Variants in OSBPL10 observed in about 807,000 individuals in gnomAD.
OSBPL10 encodes oxysterol-binding protein-related protein 10.
A neutral mutation model predicts 81.7 loss-of-function variants in OSBPL10; 49 were observed. The observed-to-expected ratio is 0.60, with a 90% CI of 0.48 to 0.76. The LOEUF (loss-of-function observed/expected upper bound fraction) is 0.76. Among genes scored for constraint, OSBPL10 ranks in the 30% least tolerant of loss-of-function variants. The probability of loss-of-function intolerance (pLI) is 0.00; values close to 1 mark genes in which losing one functional copy is unlikely to be tolerated. For synonymous variants in OSBPL10, 419 were observed against 383.6 expected (o/e 1.09, Z -1.08); for missense variants, 923 against 987.8 (o/e 0.93, Z 0.88).
At chr3:31,913,393 C>T (rs576690985) in intron 1 of OSBPL10, among the ~76,000 whole-genome samples, 5 of 151,974 alleles carry the variant, frequency 3.3e-5, no homozygotes, top group Admixed American at 6.6e-5. Flanking sequence ...GGACTACAGG[C>T]GCACAACACC....
intron 3 of OSBPL10, among the ~76,000 whole-genome samples, chr3:31,844,007 G>A (rs186064263): frequency 1.3e-5 from 2 of 152,306 alleles, no homozygotes; most frequent in Non-Finnish European, 2.9e-5. Context: ...ACTAAGATCT[G>A]CTGATGAGCA....
At chr3:31,830,309 G>T in intron 3 of OSBPL10, 78 bp from the exon 4 acceptor site, 1 of 1,406,330 alleles carries the variant, frequency 7.1e-7, no homozygotes, top group Non-Finnish European at 9.7e-7. Flanking sequence ...ATTCATTTTG[G>T]ACCTCTTCAT....
At chr3:31,853,876 C>G (rs1283634402) in intron 3 of OSBPL10, among the ~76,000 whole-genome samples, 1 of 152,148 alleles carries the variant, frequency 6.6e-6, no homozygotes, top group Non-Finnish European at 1.5e-5. Context: ...AAATGCAGCC[C>G]CTTATCAGAT....
At chr3:31,871,618 C>G (rs1701328137) in intron 3 of OSBPL10, among the ~76,000 whole-genome samples, 1 of 152,188 alleles carries the variant, frequency 6.6e-6, no homozygotes, top group South Asian at 2.1e-4. Context: ...TGCCTATAAT[C>G]CCAGCACTTT....
At chr3:31,706,700 T>C (rs1696077199) in intron 6 of OSBPL10, among the ~76,000 whole-genome samples, 1 of 152,186 alleles carries the variant, frequency 6.6e-6, no homozygotes, top group African/African-American at 2.4e-5. Context: ...CTTAAACAAA[T>C]ATCTTAATTC....
intron 4 of OSBPL10, among the ~76,000 whole-genome samples, chr3:31,759,601 G>A (rs1697974603): frequency 6.6e-6 from 1 of 152,088 alleles, no homozygotes; most frequent in Non-Finnish European, 1.5e-5. Flanking sequence ...TAAACAACTT[G>A]AGGGCAGAAG....
intron 7 of OSBPL10, among the ~76,000 whole-genome samples, chr3:31,691,842 C>A (rs1311128520): frequency 1.3e-5 from 2 of 151,978 alleles, no homozygotes; most frequent in Non-Finnish European, 2.9e-5. Context: ...GCCTCCACCA[C>A]CGCAAAGGTT....
chr3:31,666,063 C>T (rs987097435), intron 10 of OSBPL10, among the ~76,000 whole-genome samples: 3 of 152,096 alleles, frequency 2.0e-5, no homozygotes, highest in Admixed American at 6.5e-5. Context: ...AAGGAGTCTC[C>T]AGGGTGGGGA....
At chr3:32,021,584 T>C (rs534177076) in intron 2 of OSBPL10, among the ~76,000 whole-genome samples, 11 of 152,368 alleles carry the variant, frequency 7.2e-5, no homozygotes, top group African/African-American at 2.6e-4. Flanking sequence ...TAGTGATTAA[T>C]GATGTTGAAC....
At chr3:31,764,709 T>C (rs142844566) in intron 4 of OSBPL10, among the ~76,000 whole-genome samples, 152 of 152,310 alleles carry the variant, frequency 1.0e-3, no homozygotes, top group Middle Eastern at 3.4e-3. Flanking sequence ...TTCTCTCCAG[T>C]ACCAATCTCC....
chr3:31,881,175 T>C (rs1321616415), intron 1 of OSBPL10, among the ~76,000 whole-genome samples: 1 of 152,120 alleles, frequency 6.6e-6, no homozygotes, highest in African/African-American at 2.4e-5. Context: ...ATTCAATGAC[T>C]GGTTTCCCCA....
chr3:31,780,500 AT>A (rs557256527), intron 4 of OSBPL10, among the ~76,000 whole-genome samples: 14 of 151,902 alleles, frequency 9.2e-5, no homozygotes, highest in African/African-American at 3.4e-4. Context: ...GAAAAAAAAA[AT>A]ACAAAAAATA....
chr3:31,949,090 G>T (rs376586290), intron 1 of OSBPL10, among the ~76,000 whole-genome samples: 1 of 152,190 alleles, frequency 6.6e-6, no homozygotes, highest in Non-Finnish European at 1.5e-5. Flanking sequence ...TAAACTTACA[G>T]ATCAAGCTTC....
At chr3:31,692,349 C>T (rs565072233) in intron 7 of OSBPL10, among the ~76,000 whole-genome samples, 1 of 152,086 alleles carries the variant, frequency 6.6e-6, no homozygotes, top group Non-Finnish European at 1.5e-5. Context: ...CAGTGCCTAC[C>T]TAGTATCCAG....
At chr3:31,898,606 A>G (rs1696133618) in intron 1 of OSBPL10, among the ~76,000 whole-genome samples, 3 of 151,808 alleles carry the variant, frequency 2.0e-5, no homozygotes, top group Admixed American at 2.0e-4. Flanking sequence ...CTAAAAAAAA[A>G]GAATAAGAAT....
At chr3:31,752,967 AG>A (rs1697765816) in intron 4 of OSBPL10, among the ~76,000 whole-genome samples, 2 of 152,192 alleles carry the variant, frequency 1.3e-5, no homozygotes, top group African/African-American at 4.8e-5. Flanking sequence ...CCGGTGCCCC[AG>A]TGCCTTCAAT....
chr3:31,725,882 A>G (rs1017159665), intron 6 of OSBPL10, among the ~76,000 whole-genome samples: 1 of 152,210 alleles, frequency 6.6e-6, no homozygotes, highest in Non-Finnish European at 1.5e-5. Flanking sequence ...TGCTACATGC[A>G]TCGTACTTTC....
At position 31,689,720 on chromosome 3, in the gene OSBPL10, C is replaced by G. The variant is rs547349213; in HGVS notation, c.1246-5606G>C. Among the ~76,000 whole-genome samples, 18 of 152,310 alleles carry G rather than the reference C, an allele frequency of 1.2e-4. No homozygotes were observed. In the South Asian group the frequency reaches 2.3e-3, roughly 19 times the overall value. Reference sequence around the variant, plus strand: ...TAAAGAGGAGTTTCCCAAACAAGCTCTCTCTCTTTGCCTGCTGCCATCCAT... The same window carrying G: ...TAAAGAGGAGTTTCCCAAACAAGCTGTCTCTCTTTGCCTGCTGCCATCCAT... On this transcript the variant is annotated intron_variant, in intron 7 of 11. Coordinates refer to ENST00000396556, the MANE Select transcript of OSBPL10 (RefSeq NM_017784.5).
upstream of OSBPL10, among the ~76,000 whole-genome samples, chr3:31,982,582 G>C (rs527392752): frequency 2.6e-5 from 4 of 151,996 alleles, no homozygotes; most frequent in African/African-American, 7.3e-5. Context: ...GCACGGAGAA[G>C]CTTCTGGAGT....
Sources: gnomAD v4.1 joint callset for allele counts (sites outside exome capture counted in the v4.1 genomes callset) on GRCh38, gnomAD v4.1.1 for gene constraint, MANE v1.5 for transcripts, NCBI Gene and HGNC (gene_info 2026-07-23, HGNC 2026-07-21) for gene names.